The following GPC1 variants were observed in gnomAD, a reference collection of about 807,000 sequenced individuals.
The protein encoded by GPC1 is glypican 1.
A neutral mutation model predicts 51.5 loss-of-function variants in GPC1; 26 were observed. That is an observed-to-expected ratio of 0.50 (90% CI 0.37 to 0.70). GPC1 has a LOEUF of 0.70. Among genes scored for constraint, GPC1 ranks in the 30% least tolerant of loss-of-function variants. The pLI, the probability that GPC1 is intolerant of heterozygous loss-of-function variation, is 0.00. For synonymous variants in GPC1, 380 were observed against 348.3 expected, an observed-to-expected ratio of 1.09 and a Z score of -1.01; for missense variants, 775 against 800.5, an observed-to-expected ratio of 0.97 and a Z score of 0.38.
intron 7 of GPC1, 82 bp from the exon 8 acceptor site, chr2:240,465,391 G>A: frequency 2.1e-6 from 3 of 1,431,530 alleles, no homozygotes; most frequent in South Asian, 2.5e-5. Context: ...CAGGCTCAGA[G>A]CGTGGGAGAG....
At chr2:240,458,498 A>T (rs991191823) in intron 1 of GPC1, 8 of 179,094 alleles carry the variant, frequency 4.5e-5, no homozygotes, top group Admixed American at 2.7e-4. Flanking sequence ...CTGCCCCCAT[A>T]CCAGACTCGT....
At chr2:240,453,382 TCCCTCCGCCCGCCCCGCTCCCTCCGC>T (rs2074122779) in intron 1 of GPC1, among the ~76,000 whole-genome samples, 8 of 3,066 alleles carry the variant, frequency 2.6e-3, no homozygotes, top group Admixed American at 7.4e-3. Flanking sequence ...CCCGCCCCGC[TCCCTCCGCCCGCCCCGCTCCCTCCGC>T]CCGCCCCGCT....
chr2:240,463,674 C>A, intron 4 of GPC1, 162 bp downstream of exon 4: 1 of 617,888 alleles, frequency 1.6e-6, no homozygotes, highest in Admixed American at 3.0e-5. Flanking sequence ...GGTTGAGGGG[C>A]CAGGGTGCCT....
chr2:240,455,630 TGGTGGGGAGGCCCCTGGG>T (rs555184395), intron 1 of GPC1, among the ~76,000 whole-genome samples: 81 of 152,022 alleles, frequency 5.3e-4, no homozygotes, highest in African/African-American at 1.7e-3. Flanking sequence ...CTGAGAGAAG[TGGTGGGGAGGCCCCTGGG>T]GGTGGGGAGG....
Position 240,461,674 on chromosome 2 carries a change from G to A in GPC1, c.326-517G>A, listed in dbSNP as rs529425515. On this transcript the variant is annotated intron_variant, in intron 2 of 8. Coordinates refer to ENST00000264039, the MANE Select transcript of GPC1 (RefSeq NM_002081.3). Reference sequence around the variant, plus strand: ...CGCAGAAGCTGAGAGAAGACAAGAAGCCTAGGAGAGCAGCCGAGACAGGGT... The same window carrying A: ...CGCAGAAGCTGAGAGAAGACAAGAAACCTAGGAGAGCAGCCGAGACAGGGT... Among the ~76,000 whole-genome samples, 5 of 152,274 alleles carry A rather than the reference G, an allele frequency of 3.3e-5. No individual in the cohort carries two copies. The South Asian group carries it at 8.3e-4, about 25-fold the overall frequency.
chr2:240,455,483 G>C (rs902195121), intron 1 of GPC1, among the ~76,000 whole-genome samples: 1 of 152,182 alleles, frequency 6.6e-6, no homozygotes, highest in Non-Finnish European at 1.5e-5. Context: ...GAAGGGGATG[G>C]GCTGCCGGGA....
chr2:240,436,169 C>G, intron 1 of GPC1, 85 bp downstream of exon 1: 2 of 974,784 alleles, frequency 2.1e-6, no homozygotes, highest in Non-Finnish European at 2.6e-6. Flanking sequence ...GCTACTCGCC[C>G]CCGGCGCGGG....
intron 1 of GPC1, chr2:240,449,952 G>A (rs757929348): frequency 1.7e-5 from 8 of 467,116 alleles, no homozygotes; most frequent in South Asian, 4.6e-5. Flanking sequence ...CAATCTATTC[G>A]ACTGTGGAGA....
chr2:240,454,165 G>A (rs2074133962), intron 1 of GPC1, among the ~76,000 whole-genome samples: 1 of 152,184 alleles, frequency 6.6e-6, no homozygotes, highest in African/African-American at 2.4e-5. Flanking sequence ...CTGAGATGCC[G>A]TGGCCGGTCC....
chr2:240,464,756 GGAGGAC>G lies in GPC1; in HGVS notation c.1014+12_1014+17del. ...CACGCTCACGGCCAAGGTGCGGGCA[GGAGGAC>G]GTGACGAGCACAGCGGGGTGGGGGT... On this transcript the variant is annotated intron_variant, in intron 5 of 8. Transcript: ENST00000264039. The G allele has an allele frequency of 6.2e-7, 1 of 1,602,680 alleles. No individual in the cohort carries two copies. Among genetic ancestry groups the G allele is most frequent in the Non-Finnish European group, 8.5e-7 (1 of 1,174,968 alleles).
chr2:240,455,325 G>C (rs922802417), intron 1 of GPC1, among the ~76,000 whole-genome samples: 1 of 152,206 alleles, frequency 6.6e-6, no homozygotes, highest in Non-Finnish European at 1.5e-5. Flanking sequence ...GGATGGGTCG[G>C]CTACAGCAAC....
chr2:240,439,167 C>T (rs969713957), intron 1 of GPC1, among the ~76,000 whole-genome samples: 1 of 152,148 alleles, frequency 6.6e-6, no homozygotes, highest in South Asian at 2.1e-4. Flanking sequence ...GCTCCCTGGT[C>T]GCTGGGACCA....
chr2:240,462,292 G>T lies in GPC1; in HGVS notation c.427G>T (p.Asp143Tyr), dbSNP rs531757424. 11 of 1,609,120 alleles carry T rather than the reference G, an allele frequency of 6.8e-6. No individual in the cohort carries two copies. The East Asian group carries it at 2.2e-4, about 33-fold the overall frequency. ...CACGCAGAACGCGAGGGCCTTCCGG[G>T]ACCTGTACTCAGAGCTGCGCCTGTA... ...LYTQNARAFR[D>Y]LYSELRLYYR... Residue 143 changes from aspartate (D) to tyrosine (Y), a missense_variant, in exon 3 of 9, where the codon GAC (aspartate) becomes TAC (tyrosine). Transcript: ENST00000264039.
intron 1 of GPC1, among the ~76,000 whole-genome samples, chr2:240,445,988 C>T (rs2074047716): frequency 6.6e-6 from 1 of 152,230 alleles, no homozygotes; most frequent in Non-Finnish European, 1.5e-5. Context: ...CTCCATGGTC[C>T]TCTGTGTAGT....
At chr2:240,462,120 G>A in intron 2 of GPC1, 71 bp from the exon 3 acceptor site, 1 of 1,400,436 alleles carries the variant, frequency 7.1e-7, no homozygotes, top group South Asian at 1.4e-5. Flanking sequence ...CCCGGGCTGA[G>A]TCCCCTGCTC....
intron 1 of GPC1, among the ~76,000 whole-genome samples, chr2:240,455,659 C>T (rs997192779): frequency 2.8e-4 from 43 of 152,086 alleles, no homozygotes; most frequent in Non-Finnish European, 5.0e-4. Context: ...GGTGGGGAGG[C>T]CCCTGGGTGG....
chr2:240,437,531 C>G (rs1289623109), intron 1 of GPC1, among the ~76,000 whole-genome samples: 1 of 152,142 alleles, frequency 6.6e-6, no homozygotes, highest in East Asian at 1.9e-4. Flanking sequence ...AGAGGCAACC[C>G]TGTCATTTCC....
chr2:240,440,880 G>A (rs1388648033), intron 1 of GPC1, among the ~76,000 whole-genome samples: 1 of 152,268 alleles, frequency 6.6e-6, no homozygotes, highest in Non-Finnish European at 1.5e-5. Flanking sequence ...CTCCGGCCTG[G>A]CTCCACTGCC....
chr2:240,454,069 G>T (rs1055418794), intron 1 of GPC1, among the ~76,000 whole-genome samples: 3 of 152,120 alleles, frequency 2.0e-5, no homozygotes, highest in Non-Finnish European at 4.4e-5. Flanking sequence ...GTGGCGGGGG[G>T]GCTTCGGGCA....
Sources: gnomAD v4.1 joint callset for allele counts (sites outside exome capture counted in the v4.1 genomes callset) on GRCh38, gnomAD v4.1.1 for gene constraint, MANE v1.5 for transcripts, NCBI Gene and HGNC (gene_info 2026-07-23, HGNC 2026-07-21) for gene names.